Variants in CD22 observed in about 807,000 individuals in gnomAD.
CD22 encodes the protein CD22 molecule.
CD22 carries 51 observed loss-of-function variants against 94.7 expected under a neutral mutation model. The ratio of observed to expected loss-of-function variants is 0.54; its 90% CI spans 0.43 to 0.68. The LOEUF (loss-of-function observed/expected upper bound fraction) is 0.68. Ranked by LOEUF, CD22 falls within the 30% of genes least tolerant of loss-of-function variation. The pLI, the probability that CD22 is intolerant of heterozygous loss-of-function variation, is 0.00. For synonymous variants in CD22, 424 were observed against 422.5 expected, an observed-to-expected ratio of 1.00 and a Z score of -0.04; for missense variants, 931 against 1,060.4, an observed-to-expected ratio of 0.88 and a Z score of 1.69.
intron 6 of CD22, among the ~76,000 whole-genome samples, chr19:35,339,630 C>T (rs979265330): frequency 6.6e-6 from 1 of 152,092 alleles, no homozygotes; most frequent in Admixed American, 6.6e-5. Flanking sequence ...CCAAGGTGGG[C>T]AGATCACCTG....
At chr19:35,342,043 TTCCTTCCTTC>T in intron 9 of CD22, 78 bp downstream of exon 9, 3 of 1,118,712 alleles carry the variant, frequency 2.7e-6, no homozygotes, top group East Asian at 6.2e-5. Context: ...CCTTCCTTCC[TTCCTTCCTTC>T]CTTTCTTTCT....
intron 9 of CD22, among the ~76,000 whole-genome samples, chr19:35,343,791 A>G (rs1599690860): frequency 6.6e-6 from 1 of 152,234 alleles, no homozygotes; most frequent in Non-Finnish European, 1.5e-5. Context: ...ACAACAAAAA[A>G]GAGTCTGAAA....
At chr19:35,342,281 C>T (rs957194595) in intron 9 of CD22, among the ~76,000 whole-genome samples, 12 of 151,948 alleles carry the variant, frequency 7.9e-5, no homozygotes, top group Admixed American at 3.9e-4. Context: ...GCAATCCTTT[C>T]GCCTCAGCCT....
chr19:35,337,054 A>C lies in CD22; in HGVS notation c.719-701A>C, dbSNP rs2145659008. Among the ~76,000 whole-genome samples the C allele has an allele frequency of 6.6e-6, 1 of 152,194 alleles. No individual in the cohort carries two copies. The highest frequency in any genetic ancestry group is 1.9e-4 in the East Asian group (1 of 5,168). On this transcript the variant is annotated intron_variant, in intron 4 of 13. Transcript: ENST00000085219. This position sits in a 1 kb window ranked among gnomAD's most constrained non-coding sequence, Gnocchi z 4.4. ...GGAGATCGAGACCATCCTGGCTAAC[A>C]TGGTGAAACCCCATCTCTAGTAAAA...
At chr19:35,345,027 C>A in intron 10 of CD22, 24 bp from the exon 11 acceptor site, 1 of 1,611,898 alleles carries the variant, frequency 6.2e-7, no homozygotes, top group Non-Finnish European at 8.5e-7. Flanking sequence ...CCCTGACCCT[C>A]ACACATGTGC....
intron 9 of CD22, among the ~76,000 whole-genome samples, 194 bp downstream of exon 9, chr19:35,342,159 CCTT>C (rs1311419338): frequency 1.3e-5 from 2 of 150,658 alleles, no homozygotes; most frequent in Non-Finnish European, 3.0e-5. Flanking sequence ...TCTTTCTTCT[CCTT>C]CTCCTTCCTT....
chr19:35,334,247 T>A (rs1221782589), intron 3 of CD22, among the ~76,000 whole-genome samples: 1 of 152,198 alleles, frequency 6.6e-6, no homozygotes, highest in Non-Finnish European at 1.5e-5. Context: ...GGATCATTGT[T>A]CTTTGAAAGA....
In CD22 at chr19:35,341,274, GA is replaced by G; in HGVS notation, c.1508-68del. ...AGGAGCCTGGCGTCAGGGCCAAGGG[GA>G]GGGGAGGCCTGGGGACAGCAAAAGG... On this transcript the variant is annotated intron_variant, in intron 7 of 13. Transcript: ENST00000085219. This position sits in a 1 kb window ranked among gnomAD's most constrained non-coding sequence, Gnocchi z 4.0. 1 of 1,596,562 alleles carries G rather than the reference GA, an allele frequency of 6.3e-7. No homozygotes were observed. The highest frequency in any genetic ancestry group is 8.6e-7 in the Non-Finnish European group (1 of 1,169,326).
chr19:35,334,957 A>T lies in CD22; in HGVS notation c.413-1079A>T, dbSNP rs1024673324. Among the ~76,000 whole-genome samples the T allele has an allele frequency of 2.0e-5, 3 of 151,890 alleles. No homozygotes were observed. The East Asian group carries it at 5.8e-4, about 29-fold the overall frequency. On this transcript the variant is annotated intron_variant, in intron 3 of 13. Transcript: ENST00000085219. ...GCCAGGCGTGGTGGCAGGCGCCTGT[A>T]GTCCCAGCTACTCAGGAGGCTGAGG...
In CD22 at chr19:35,332,062, C is replaced by T. The variant is rs2066653211; in HGVS notation, c.22C>T (p.Leu8Phe). MHLLGPW[L>F]LLLVLEYLAF... ...CACCATGCATCTCCTCGGCCCCTGG[C>T]TCCTGCTCCTGGGTAAGGACTGTGG... is the stretch of plus-strand genomic sequence containing the variant. Residue 8 changes from leucine to phenylalanine, a missense_variant, in exon 2 of 14, where the codon CTC becomes TTC. Transcript: ENST00000085219. The T allele has an allele frequency of 1.2e-6, 2 of 1,614,008 alleles. No homozygotes were observed. The highest frequency in any genetic ancestry group is 4.5e-5 in the East Asian group (2 of 44,888).
chr19:35,332,150 CAG>C, intron 2 of CD22, 76 bp downstream of exon 2: 1 of 1,555,860 alleles, frequency 6.4e-7, no homozygotes. Context: ...AAGACCCAGG[CAG>C]AGAGGCGTCA....
chr19:35,333,253 G>A (rs1010747630), intron 3 of CD22, among the ~76,000 whole-genome samples: 15 of 152,082 alleles, frequency 9.9e-5, no homozygotes, highest in African/African-American at 3.6e-4. Flanking sequence ...TCCAAGCACC[G>A]CATTCCTTTA....
chr19:35,346,758 TCCCCAGACACCG>T lies in CD22; in HGVS notation c.*64_*75del. ...CGGGGGCCAGGGAAGTCCCCGAGTT[TCCCCAGACACCG>T]CCACATGGCTTCCTCCTGCGCGCAT... is the stretch of plus-strand genomic sequence containing the variant. On this transcript the variant is annotated 3_prime_UTR_variant, in exon 14 of 14. Transcript: ENST00000085219. The T allele has an allele frequency of 6.7e-7, 1 of 1,502,596 alleles. No individual in the cohort carries two copies. Among genetic ancestry groups the T allele is most frequent in the South Asian group, 1.3e-5 (1 of 76,846 alleles). The allele number at this position is 1,502,596 out of a possible 1,614,324, so 93.1% of individuals were successfully genotyped here. A position where few individuals can be genotyped will look rare whatever the true frequency, so the allele number is the denominator to read the frequency against.
At chr19:35,333,997 ATGCGTAGTCAGCCAAACAC>A (rs1301743955) in intron 3 of CD22, among the ~76,000 whole-genome samples, 1 of 152,176 alleles carries the variant, frequency 6.6e-6, no homozygotes, top group Non-Finnish European at 1.5e-5. Context: ...TGAGCTCCCG[ATGCGTAGTCAGCCAAACAC>A]TGACACCTCA....
chr19:35,340,074 G>A (rs903544172), intron 6 of CD22, among the ~76,000 whole-genome samples: 3 of 152,102 alleles, frequency 2.0e-5, no homozygotes, highest in African/African-American at 7.2e-5. Flanking sequence ...TCGATCCTTG[G>A]ACCCTGAGAT....
chr19:35,336,814 C>T (rs1156833073), intron 4 of CD22, among the ~76,000 whole-genome samples: 1 of 152,006 alleles, frequency 6.6e-6, no homozygotes, highest in African/African-American at 2.4e-5. Context: ...AGAGCATGAG[C>T]CAAGACATTA....
chr19:35,338,505 A>C, intron 6 of CD22, 74 bp downstream of exon 6: 11 of 1,497,444 alleles, frequency 7.3e-6, no homozygotes, highest in Non-Finnish European at 1.0e-5. Flanking sequence ...GATGGGGTGC[A>C]GGGCATTCCG....
chr19:35,344,867 C>G lies in CD22; in HGVS notation c.2074C>G (p.Leu692Val), dbSNP rs201791898. 4.3e-6 allele frequency: 7 copies of G among 1,614,026 alleles called. No individual in the cohort carries two copies. The Admixed American group carries it at 8.3e-5, about 19-fold the overall frequency. Residue 692 changes from leucine (L) to valine (V), a missense_variant, in exon 10 of 14, where the codon CTC (leucine) becomes GTC (valine). Coordinates refer to ENST00000085219, the MANE Select transcript of CD22 (RefSeq NM_001771.4). ...ETIGRRVAVG[L>V]GSCLAILILA... ...CATCGGCAGGCGAGTGGCTGTGGGA[C>G]TCGGGTCCTGCCTCGCCATCCTCAT...
chr19:35,339,983 A>G (rs140615663), intron 6 of CD22, among the ~76,000 whole-genome samples: 95 of 152,312 alleles, frequency 6.2e-4, no homozygotes, highest in Non-Finnish European at 1.2e-3. Context: ...AAACTGTCTC[A>G]TTACCTCTCC....
Sources: allele counts gnomAD v4.1 joint callset (sites outside exome capture counted in the v4.1 genomes callset), GRCh38; gene constraint gnomAD v4.1.1; non-coding constraint Gnocchi (gnomAD v3.1); transcripts MANE v1.5; gene names NCBI Gene and HGNC (gene_info 2026-07-23, HGNC 2026-07-21).